LRRC4C: variants seen among roughly 807,000 people sequenced by gnomAD.
The protein encoded by LRRC4C is leucine rich repeat containing 4C.
Under a neutral mutation model 33.6 loss-of-function variants are expected in LRRC4C, and 5 were observed. That is an observed-to-expected ratio of 0.15 (90% CI 0.08 to 0.31). The LOEUF (loss-of-function observed/expected upper bound fraction) is 0.31, where lower values mean the gene tolerates loss of function less well. Among genes scored for constraint, LRRC4C ranks in the 10% least tolerant of loss-of-function variants. The probability of loss-of-function intolerance (pLI) is 1.00; values close to 1 mark genes in which losing one functional copy is unlikely to be tolerated. For missense variants in LRRC4C, 560 were observed against 796.7 expected (o/e 0.70, Z 3.58); for synonymous variants, 329 against 302.0 (o/e 1.09, Z -0.93).
chr11:41,073,603 C>T (rs1050663471), intron 1 of LRRC4C, among the ~76,000 whole-genome samples: 7 of 152,118 alleles, frequency 4.6e-5, no homozygotes, highest in Non-Finnish European at 1.0e-4. Flanking sequence ...AATGATTTTT[C>T]ATTGTTACTA....
chr11:41,266,594 GA>G (rs1242652351), intron 1 of LRRC4C, among the ~76,000 whole-genome samples: 4 of 152,122 alleles, frequency 2.6e-5, no homozygotes, highest in Non-Finnish European at 5.9e-5. Context: ...TAAAGAGAAT[GA>G]AATGTGATTA....
intron 3 of LRRC4C, among the ~76,000 whole-genome samples, chr11:40,437,361 C>G (rs1590732425): frequency 6.6e-6 from 1 of 152,110 alleles, no homozygotes; most frequent in East Asian, 1.9e-4. Flanking sequence ...GCCTGTCTTT[C>G]CTCTGCTTAA....
At chr11:40,836,625 T>C (rs142959014) in intron 2 of LRRC4C, among the ~76,000 whole-genome samples, 26 of 152,254 alleles carry the variant, frequency 1.7e-4, no homozygotes, top group African/African-American at 5.8e-4. Flanking sequence ...CTGTGTCCCA[T>C]AGGGTTTTGC....
At chr11:40,577,832 C>CTTTTTTTTT (rs56061263) in intron 3 of LRRC4C, among the ~76,000 whole-genome samples, 44 of 119,338 alleles carry the variant, frequency 3.7e-4, no homozygotes, top group East Asian at 2.2e-3. Context: ...TTTCTTTTTT[C>CTTTTTTTTT]TTTTTTTTTT....
At chr11:41,107,993 AGGGGAG>A (rs1941613431) in intron 1 of LRRC4C, among the ~76,000 whole-genome samples, 1 of 145,080 alleles carries the variant, frequency 6.9e-6, no homozygotes, top group Non-Finnish European at 1.5e-5. Context: ...GAGAGGGGAG[AGGGGAG>A]AGTAGAGAGG....
intron 1 of LRRC4C, among the ~76,000 whole-genome samples, chr11:40,983,627 T>C (rs137957699): frequency 0.028 from 4,334 of 152,118 alleles, 54 homozygotes; most frequent in Middle Eastern, 0.044. Context: ...CCAGCATCTA[T>C]AAGGAACTTA....
At chr11:41,253,103 G>A (rs898423176) in intron 1 of LRRC4C, among the ~76,000 whole-genome samples, 2 of 152,176 alleles carry the variant, frequency 1.3e-5, no homozygotes, top group African/African-American at 4.8e-5. Flanking sequence ...TTATATGGTT[G>A]GTGAGTGCAA....
Position 40,759,271 on chromosome 11 carries a change from T to A in LRRC4C, c.-406-110993A>T, listed in dbSNP as rs564779580. ...ATGTACTTCTTCCATATATATATTA[T>A]ATATATACATCTTCCATATATATGT... On this transcript the variant is annotated intron_variant, in intron 2 of 6. Transcript: ENST00000528697. Among the ~76,000 whole-genome samples the A allele has an allele frequency of 2.7e-5, 4 of 147,886 alleles. No homozygotes were observed. The East Asian group carries it at 7.8e-4, about 29-fold the overall frequency.
At chr11:40,378,930 GC>G in intron 3 of LRRC4C, among the ~76,000 whole-genome samples, 1 of 152,180 alleles carries the variant, frequency 6.6e-6, no homozygotes, top group Non-Finnish European at 1.5e-5. Flanking sequence ...GTTTTCCATT[GC>G]TTTACTGACA....
chr11:41,114,773 C>T (rs1020881134), intron 1 of LRRC4C, among the ~76,000 whole-genome samples: 5 of 152,042 alleles, frequency 3.3e-5, no homozygotes, highest in Middle Eastern at 3.2e-3. Flanking sequence ...AAACTTAGTT[C>T]AGCTACGTAA....
At chr11:40,295,548 G>T (rs1477505240) in intron 4 of LRRC4C, among the ~76,000 whole-genome samples, 1 of 152,126 alleles carries the variant, frequency 6.6e-6, no homozygotes, top group East Asian at 1.9e-4. Flanking sequence ...TATACAAAAT[G>T]CTATTTTTTT....
intron 5 of LRRC4C, among the ~76,000 whole-genome samples, chr11:40,240,980 C>T (rs7951756): frequency 0.058 from 8,750 of 152,160 alleles, 829 homozygotes; most frequent in African/African-American, 0.2. Flanking sequence ...AAAATATTAA[C>T]TAAAACTTTA....
Position 40,708,112 on chromosome 11 carries a change from T to C in LRRC4C, c.-406-59834A>G, listed in dbSNP as rs1591518785. 2.0e-5 allele frequency among the ~76,000 whole-genome samples: 3 copies of C among 152,184 alleles called. No homozygotes were observed. The South Asian group carries it at 6.2e-4, about 31-fold the overall frequency. The stretch of plus-strand genomic sequence containing the variant: ...TGATTCTTCTCACTTTTCTTCTTTA[T>C]TAGTCTTGCTAGAGGTCTATCAATT... On this transcript the variant is annotated intron_variant, in intron 2 of 6. Coordinates refer to ENST00000528697, the MANE Select transcript of LRRC4C (RefSeq NM_001258419.2).
chr11:41,075,840 T>A lies in LRRC4C; in HGVS notation c.-495-142117A>T, dbSNP rs1939110484. Among the ~76,000 whole-genome samples the A allele has an allele frequency of 4.6e-5, 7 of 152,240 alleles. No homozygotes were observed. In the South Asian group the frequency reaches 1.4e-3, roughly 32 times the overall value. On this transcript the variant is annotated intron_variant, in intron 1 of 6. Transcript: ENST00000528697. ...TTGTCAAAGCAATTAGCTGACCAAC[T>A]CAATTGCTAAATCCTAGTTGTCATC... is the stretch of plus-strand genomic sequence containing the variant.
chr11:41,436,049 T>C (rs993243679), intron 1 of LRRC4C, among the ~76,000 whole-genome samples: 1 of 151,906 alleles, frequency 6.6e-6, no homozygotes, highest in Admixed American at 6.6e-5. Flanking sequence ...ACTAAAAATA[T>C]AAAAATTAGC....
chr11:40,176,408 T>C (rs1031107013), intron 5 of LRRC4C, among the ~76,000 whole-genome samples: 3 of 152,078 alleles, frequency 2.0e-5, no homozygotes, highest in African/African-American at 7.2e-5. Flanking sequence ...GGCAATTAAG[T>C]AAACATTTAA....
chr11:40,976,360 T>C (rs1360724443), intron 1 of LRRC4C, among the ~76,000 whole-genome samples: 3 of 152,322 alleles, frequency 2.0e-5, no homozygotes, highest in East Asian at 1.9e-4. Flanking sequence ...GGTTCTTGTG[T>C]ATTCATAAGC....
At chr11:40,959,295 T>C (rs1426459606) in intron 1 of LRRC4C, among the ~76,000 whole-genome samples, 1 of 151,650 alleles carries the variant, frequency 6.6e-6, no homozygotes, top group Non-Finnish European at 1.5e-5. Flanking sequence ...TTTAGAGATA[T>C]AGCTATGATA....
At chr11:40,858,944 A>C (rs978608490) in intron 2 of LRRC4C, among the ~76,000 whole-genome samples, 7 of 152,178 alleles carry the variant, frequency 4.6e-5, no homozygotes, top group African/African-American at 1.7e-4. Context: ...AAAAACTGTT[A>C]AATCTTTTAA....
Sources: gnomAD v4.1 joint callset for allele counts (sites outside exome capture counted in the v4.1 genomes callset) on GRCh38, gnomAD v4.1.1 for gene constraint, MANE v1.5 for transcripts, NCBI Gene and HGNC (gene_info 2026-07-23, HGNC 2026-07-21) for gene names.